TENM3: variants seen among roughly 807,000 people sequenced by gnomAD.
TENM3 encodes the protein teneurin-3.
In TENM3, 63 loss-of-function variants were observed where a neutral mutation model predicts 255.1. That is an observed-to-expected ratio of 0.25 (90% CI 0.20 to 0.30). The LOEUF (loss-of-function observed/expected upper bound fraction) is 0.30. Ranked by LOEUF, TENM3 falls within the 10% of genes least tolerant of loss-of-function variation. TENM3 has a pLI of 1.00. For synonymous variants in TENM3, 1,306 were observed against 1,322.3 expected (o/e 0.99, Z 0.27); for missense variants, 2,929 against 3,461.1 (o/e 0.85, Z 3.86).
intron 3 of TENM3, among the ~76,000 whole-genome samples, chr4:182,551,170 T>G (rs1741964519): frequency 6.8e-6 from 1 of 146,620 alleles, no homozygotes; most frequent in Non-Finnish European, 1.5e-5. Flanking sequence ...TGCAGTGAGC[T>G]GAGATCACTC....
chr4:182,495,895 G>C (rs1275858059), intron 3 of TENM3, among the ~76,000 whole-genome samples: 2 of 152,106 alleles, frequency 1.3e-5, no homozygotes, highest in Admixed American at 1.3e-4. Flanking sequence ...TCAGGGGTTA[G>C]CTGCTTAAAC....
At chr4:182,656,787 G>C (rs1265570162) in intron 6 of TENM3, among the ~76,000 whole-genome samples, 1 of 152,070 alleles carries the variant, frequency 6.6e-6, no homozygotes, top group Admixed American at 6.5e-5. Context: ...TTGTGCTAAG[G>C]GTGCAGTAAA....
At chr4:182,402,746 C>T (rs891067539) in intron 3 of TENM3, among the ~76,000 whole-genome samples, 1 of 152,106 alleles carries the variant, frequency 6.6e-6, no homozygotes, top group Non-Finnish European at 1.5e-5. Context: ...AGAAATTATG[C>T]TAATGCATTT....
At chr4:182,028,836 A>G in the TENM3 span, among the ~76,000 whole-genome samples, 1 of 151,860 alleles carries the variant, frequency 6.6e-6, no homozygotes, top group African/African-American at 2.4e-5. Context: ...TTTTTTAAAT[A>G]TTTTAAGACT....
At chr4:181,874,825 G>A in the TENM3 span, among the ~76,000 whole-genome samples, 1 of 152,182 alleles carries the variant, frequency 6.6e-6, no homozygotes, top group Admixed American at 6.5e-5. Flanking sequence ...TTCTACTTGG[G>A]CTCTGCTTCT....
intron 24 of TENM3, among the ~76,000 whole-genome samples, chr4:182,777,541 G>GTGTGTGTGTGTGT (rs1579462872): frequency 9.4e-6 from 1 of 106,386 alleles, no homozygotes; most frequent in Non-Finnish European, 1.8e-5. Flanking sequence ...GTGTGTGTGT[G>GTGTGTGTGTGTGT]TATTTCTTTT....
chr4:181,622,303 AAC>A, the TENM3 span, among the ~76,000 whole-genome samples: 1 of 152,140 alleles, frequency 6.6e-6, no homozygotes, highest in Admixed American at 6.5e-5. Flanking sequence ...GTACTCACCA[AAC>A]ACAATACTGG....
chr4:181,781,844 G>T, the TENM3 span, among the ~76,000 whole-genome samples: 7 of 152,240 alleles, frequency 4.6e-5, no homozygotes, highest in East Asian at 9.7e-4. Context: ...GTTGAATTTT[G>T]TCTAAGGCCT....
chr4:182,617,858 T>C (rs968470711), intron 4 of TENM3, among the ~76,000 whole-genome samples: 8 of 152,186 alleles, frequency 5.3e-5, no homozygotes, highest in Non-Finnish European at 5.9e-5. Context: ...GAGGAAAGCA[T>C]CAACATTTCC....
intron 3 of TENM3, among the ~76,000 whole-genome samples, chr4:182,409,602 G>C (rs1769832376): frequency 6.6e-6 from 1 of 152,156 alleles, no homozygotes; most frequent in Admixed American, 6.5e-5. Context: ...CGATGATGAG[G>C]ACTCTGCCTC....
the TENM3 span, among the ~76,000 whole-genome samples, chr4:181,470,927 C>A: frequency 1.3e-5 from 2 of 152,070 alleles, no homozygotes; most frequent in Admixed American, 1.3e-4. Flanking sequence ...CCAGTTACTA[C>A]CTTACCTTTT....
At chr4:181,963,565 G>GA in the TENM3 span, among the ~76,000 whole-genome samples, 1,016 of 152,258 alleles carry the variant, frequency 6.7e-3, 9 homozygotes, top group African/African-American at 0.023. Flanking sequence ...ATAGTAATTT[G>GA]AATTCAGAGG....
chr4:182,153,535 C>G (rs1750487051), intron 1 of TENM3, among the ~76,000 whole-genome samples: 1 of 152,050 alleles, frequency 6.6e-6, no homozygotes, highest in Non-Finnish European at 1.5e-5. Flanking sequence ...TGACCGAAGT[C>G]CATTTTCTCA....
chr4:181,661,192 A>T, the TENM3 span, among the ~76,000 whole-genome samples: 1 of 152,168 alleles, frequency 6.6e-6, no homozygotes, highest in Non-Finnish European at 1.5e-5. Context: ...ACTGACTCTA[A>T]TATCGATGGG....
the TENM3 span, among the ~76,000 whole-genome samples, chr4:182,115,570 T>C: frequency 2.0e-5 from 3 of 152,178 alleles, no homozygotes; most frequent in Non-Finnish European, 2.9e-5. Context: ...GAGGAAATTC[T>C]AGGCTAAGAA....
At chr4:182,107,602 A>C in the TENM3 span, among the ~76,000 whole-genome samples, 3 of 152,232 alleles carry the variant, frequency 2.0e-5, no homozygotes, top group African/African-American at 7.2e-5. Context: ...CACAGAGCTC[A>C]TTAATCCAGT....
chr4:182,383,723 C>G (rs926818278), intron 3 of TENM3, among the ~76,000 whole-genome samples: 1 of 152,064 alleles, frequency 6.6e-6, no homozygotes, highest in African/African-American at 2.4e-5. Context: ...AAGAACAAAG[C>G]CAGATGCATC....
the TENM3 span, among the ~76,000 whole-genome samples, chr4:181,915,692 G>T: frequency 2.7e-5 from 4 of 146,208 alleles, no homozygotes; most frequent in Non-Finnish European, 6.0e-5. Flanking sequence ...GGGGAAGGGG[G>T]GAGGGGAGGA....
At chr4:181,940,658 T>C in the TENM3 span, among the ~76,000 whole-genome samples, 1 of 152,204 alleles carries the variant, frequency 6.6e-6, no homozygotes, top group South Asian at 2.1e-4. Context: ...GGTAAATTTG[T>C]GCAAAGACTC....
Sources: gnomAD v4.1 joint callset for allele counts (sites outside exome capture counted in the v4.1 genomes callset) on GRCh38, gnomAD v4.1.1 for gene constraint, MANE v1.5 for transcripts, NCBI Gene and HGNC (gene_info 2026-07-23, HGNC 2026-07-21) for gene names.